DEFB123: variants seen among roughly 807,000 people sequenced by gnomAD.
DEFB123 encodes the protein beta-defensin 123.
For synonymous variants in DEFB123, 22 were observed against 28.3 expected, an observed-to-expected ratio of 0.78 and a Z score of 0.71; for missense variants, 71 against 75.0, an observed-to-expected ratio of 0.95 and a Z score of 0.20.
chr20:31,449,619 T>G (rs563550836), intron 1 of DEFB123, among the ~76,000 whole-genome samples: 2 of 151,816 alleles, frequency 1.3e-5, no homozygotes, highest in South Asian at 4.2e-4. Context: ...GACTACAGGG[T>G]GGGCCAGGCA....
At chr20:31,442,041 G>A (rs1232542312) in intron 1 of DEFB123, among the ~76,000 whole-genome samples, 1 of 152,156 alleles carries the variant, frequency 6.6e-6, no homozygotes, top group Non-Finnish European at 1.5e-5. Context: ...CTTCCATCCT[G>A]ACTGTGGGAG....
intron 1 of DEFB123, among the ~76,000 whole-genome samples, chr20:31,447,616 GT>G (rs772356142): frequency 3.3e-4 from 48 of 144,724 alleles, no homozygotes; most frequent in East Asian, 8.0e-4. Context: ...TTCTGTGTTG[GT>G]TTTTTTTTTT....
chr20:31,442,331 T>C (rs1812654375), intron 1 of DEFB123, among the ~76,000 whole-genome samples: 1 of 152,242 alleles, frequency 6.6e-6, no homozygotes, highest in Non-Finnish European at 1.5e-5. Flanking sequence ...AGTAACTTGA[T>C]ATGTCATCAA....
intron 1 of DEFB123, among the ~76,000 whole-genome samples, chr20:31,449,205 C>T (rs1413242610): frequency 6.6e-6 from 1 of 151,034 alleles, no homozygotes; most frequent in Non-Finnish European, 1.5e-5. Flanking sequence ...TCATATTTTC[C>T]TGCTTTTTTT....
At chr20:31,446,062 T>TA (rs1979578250) in intron 1 of DEFB123, among the ~76,000 whole-genome samples, 1 of 152,158 alleles carries the variant, frequency 6.6e-6, no homozygotes, top group African/African-American at 2.4e-5. Flanking sequence ...AAGGACACAC[T>TA]AGCAGTCTGA....
chr20:31,446,348 G>C (rs1404677351), intron 1 of DEFB123, among the ~76,000 whole-genome samples: 1 of 152,180 alleles, frequency 6.6e-6, no homozygotes, highest in Non-Finnish European at 1.5e-5. Context: ...AAAATGAGGA[G>C]AGTTGTGGAA....
intron 1 of DEFB123, among the ~76,000 whole-genome samples, chr20:31,447,493 T>A (rs899432797): frequency 5.3e-5 from 8 of 149,564 alleles, no homozygotes; most frequent in African/African-American, 2.0e-4. Flanking sequence ...AAAAGTCTAT[T>A]TCTCCACTTT....
In DEFB123 at chr20:31,442,907, C is replaced by T. The variant is rs77476047; in HGVS notation, c.58+2151C>T. Reference sequence around the variant, plus strand: ...ACAGGCTTGAGCCACCATGCCCGGTCTTTGCCATTTTTAAGGGGTTGTTCA... The same window carrying T: ...ACAGGCTTGAGCCACCATGCCCGGTTTTTGCCATTTTTAAGGGGTTGTTCA... On this transcript the variant is annotated intron_variant, in intron 1 of 1. Transcript: ENST00000376309. Among the ~76,000 whole-genome samples, 848 of 152,208 alleles carry T rather than the reference C, an allele frequency of 5.6e-3. 3 individuals are homozygous for T. The highest frequency in any genetic ancestry group is 0.016 in the South Asian group (75 of 4,822).
At chr20:31,449,767 C>CAAAAAAAAAAAA (rs59939526) in intron 1 of DEFB123, among the ~76,000 whole-genome samples, 1 of 52,516 alleles carries the variant, frequency 1.9e-5, no homozygotes, top group Non-Finnish European at 4.0e-5. Context: ...AGACTCATCT[C>CAAAAAAAAAAAA]AAAAAAAAAA....
At chr20:31,442,596 C>CTTTTTT (rs397865886) in intron 1 of DEFB123, among the ~76,000 whole-genome samples, 4 of 105,868 alleles carry the variant, frequency 3.8e-5, no homozygotes, top group Admixed American at 1.0e-4. Flanking sequence ...AGGTCATTTG[C>CTTTTTT]TTTTTTTTTT....
chr20:31,447,089 C>G (rs1316383838), intron 1 of DEFB123, among the ~76,000 whole-genome samples: 1 of 151,804 alleles, frequency 6.6e-6, no homozygotes, highest in African/African-American at 2.4e-5. Context: ...ATGGAGAAAC[C>G]CCGTCTCTAC....
chr20:31,448,473 A>G (rs1203041593), intron 1 of DEFB123, among the ~76,000 whole-genome samples: 1 of 151,836 alleles, frequency 6.6e-6, no homozygotes, highest in Non-Finnish European at 1.5e-5. Context: ...TCCTTTTAGT[A>G]TTCCAATTAT....
At chr20:31,447,304 A>G (rs1225377622) in intron 1 of DEFB123, among the ~76,000 whole-genome samples, 1 of 152,096 alleles carries the variant, frequency 6.6e-6, no homozygotes, top group Non-Finnish European at 1.5e-5. Flanking sequence ...TAAATGTTTA[A>G]TTGAGAACAA....
In DEFB123 at chr20:31,448,715, AT is replaced by A. The variant is rs748282937; in HGVS notation, c.59-1305del. ...TCCATGTGAATATATACATATATAT[AT>A]TTTTTTTTCTTTGAGACAGAGTTTC... On this transcript the variant is annotated intron_variant, in intron 1 of 1. Coordinates refer to ENST00000376309, the MANE Select transcript of DEFB123 (RefSeq NM_153324.4). Among the ~76,000 whole-genome samples the A allele has an allele frequency of 5.9e-5, 9 of 151,786 alleles. No homozygotes were observed. In the South Asian group the frequency reaches 1.0e-3, roughly 17 times the overall value.
At position 31,440,652 on chromosome 20, in the gene DEFB123, T is replaced by C. The variant is rs200311016; in HGVS notation, c.-47T>C. On this transcript the variant is annotated 5_prime_UTR_variant, in exon 1 of 2. Transcript: ENST00000376309. The stretch of plus-strand genomic sequence containing the variant: ...CAGGCACTCTCCTTCTCCCATTAGC[T>C]CAGCCGTGGCATCGGACTTGCAGCT... The C allele has an allele frequency of 3.7e-6, 6 of 1,611,722 alleles. No individual in the cohort carries two copies. Among genetic ancestry groups the C allele is most frequent in the Non-Finnish European group, 4.2e-6 (5 of 1,179,200 alleles).
intron 1 of DEFB123, 81 bp downstream of exon 1, chr20:31,440,837 G>A: frequency 6.4e-7 from 1 of 1,557,748 alleles, no homozygotes; most frequent in Non-Finnish European, 8.8e-7. Context: ...AGAAGGATGG[G>A]CTGCAGGTTG....
chr20:31,446,852 A>G (rs1010225450), intron 1 of DEFB123, among the ~76,000 whole-genome samples: 2 of 151,840 alleles, frequency 1.3e-5, no homozygotes, highest in Non-Finnish European at 2.9e-5. Context: ...TTAAACAATT[A>G]TCTTTTAAAG....
chr20:31,445,577 T>C (rs1412960014), intron 1 of DEFB123, among the ~76,000 whole-genome samples: 2 of 152,188 alleles, frequency 1.3e-5, no homozygotes, highest in Non-Finnish European at 2.9e-5. Flanking sequence ...TCTAACTCTG[T>C]CGCCCAGTCT....
At chr20:31,442,401 G>A (rs1955205625) in intron 1 of DEFB123, among the ~76,000 whole-genome samples, 1 of 152,160 alleles carries the variant, frequency 6.6e-6, no homozygotes, top group South Asian at 2.1e-4. Flanking sequence ...CAAGCACTGT[G>A]ATGGGTGCTA....
Sources: gnomAD v4.1 joint callset for allele counts (sites outside exome capture counted in the v4.1 genomes callset) on GRCh38, gnomAD v4.1.1 for gene constraint, MANE v1.5 for transcripts, NCBI Gene and HGNC (gene_info 2026-07-23, HGNC 2026-07-21) for gene names.